Variants in RP1 observed in about 807,000 individuals in gnomAD.
The protein encoded by RP1 is oxygen-regulated protein 1.
In RP1, 16 loss-of-function variants were observed where a neutral mutation model predicts 14.8. The observed-to-expected ratio is 1.08, with a 90% CI of 0.73 to 1.65. RP1 has a LOEUF of 1.65. RP1 is among the 40% of genes most tolerant of loss of function. The probability of loss-of-function intolerance (pLI) is 0.00; values close to 1 mark genes in which losing one functional copy is unlikely to be tolerated. For missense variants in RP1, 2,631 were observed against 2,535.0 expected, an observed-to-expected ratio of 1.04 and a Z score of -0.81; for synonymous variants, 876 against 883.6, an observed-to-expected ratio of 0.99 and a Z score of 0.15.
At chr8:54,852,227 A>G (rs1223880888) in intron 25 of RP1, among the ~76,000 whole-genome samples, 4 of 152,158 alleles carry the variant, frequency 2.6e-5, no homozygotes, top group African/African-American at 9.7e-5. Flanking sequence ...CTTTAGGGGG[A>G]AAAATGCCCA....
intron 22 of RP1, among the ~76,000 whole-genome samples, chr8:54,760,298 C>T (rs528552497): frequency 6.6e-6 from 1 of 152,204 alleles, no homozygotes; most frequent in Non-Finnish European, 1.5e-5. Context: ...ACTAGCTCAT[C>T]GCAGTCGTCT....
intron 26 of RP1, among the ~76,000 whole-genome samples, chr8:54,853,886 AAAG>A (rs933338430): frequency 2.0e-5 from 3 of 147,388 alleles, no homozygotes; most frequent in Non-Finnish European, 4.4e-5. Flanking sequence ...AGAAAGAAAA[AAAG>A]AAAAAAGAAG....
chr8:54,564,368 C>T (rs1804353975), intron 1 of RP1, among the ~76,000 whole-genome samples: 1 of 152,202 alleles, frequency 6.6e-6, no homozygotes, highest in Admixed American at 6.5e-5. Context: ...CTAGATCCAG[C>T]ACTTCACAGT....
chr8:54,577,939 A>G lies in RP1; in HGVS notation c.-13+18619A>G, dbSNP rs188657949. 1.7e-4 allele frequency among the ~76,000 whole-genome samples: 20 copies of G among 118,710 alleles called. 1 individual carries two copies. The East Asian group carries it at 4.4e-3, about 26-fold the overall frequency. The allele number at this position is 118,710 out of a possible 152,430, so 77.9% of individuals were successfully genotyped here. A position where few individuals can be genotyped will look rare whatever the true frequency, so the allele number is the denominator to read the frequency against. On this transcript the variant is annotated intron_variant, in intron 1 of 22. Transcript: ENST00000636932. ...GAGAGGAGGAGATGAAAGCATGACA[A>G]ACATTTTCTTTTTTTTTTATTATTA...
At chr8:54,734,944 T>C (rs1204155742) in intron 18 of RP1, among the ~76,000 whole-genome samples, 1 of 151,944 alleles carries the variant, frequency 6.6e-6, no homozygotes, top group Non-Finnish European at 1.5e-5. Flanking sequence ...GCAAGGAAAG[T>C]TGTAGAAAAA....
chr8:54,709,602 T>C (rs1210841947), intron 15 of RP1, among the ~76,000 whole-genome samples: 1 of 152,050 alleles, frequency 6.6e-6, no homozygotes, highest in African/African-American at 2.4e-5. Flanking sequence ...TTGATAAAGG[T>C]GAAAGAGCAT....
intron 7 of RP1, among the ~76,000 whole-genome samples, chr8:54,672,898 T>G (rs1047218319): frequency 1.3e-5 from 2 of 152,202 alleles, no homozygotes. Flanking sequence ...TTATTATAAA[T>G]ATCATAACTC....
At chr8:54,751,826 CT>C (rs1809378387) in intron 19 of RP1, among the ~76,000 whole-genome samples, 1 of 152,154 alleles carries the variant, frequency 6.6e-6, no homozygotes, top group South Asian at 2.1e-4. Context: ...CTTTGTTTTT[CT>C]GTTTCGAGCC....
At chr8:54,570,908 A>T (rs1804504852) in intron 1 of RP1, among the ~76,000 whole-genome samples, 1 of 152,228 alleles carries the variant, frequency 6.6e-6, no homozygotes, top group Non-Finnish European at 1.5e-5. Context: ...CTGGAAGTGT[A>T]GGTTTCTTTT....
At chr8:54,869,936 C>G in exon 29 of RP1, 1 of 1,228,068 alleles carries the variant, frequency 8.1e-7, no homozygotes, top group African/African-American at 1.6e-5. Context: ...GGTCTACCAT[C>G]TCCTGAAAGG....
intron 12 of RP1, among the ~76,000 whole-genome samples, chr8:54,694,398 C>T (rs1465375783): frequency 6.6e-6 from 1 of 152,162 alleles, no homozygotes; most frequent in Non-Finnish European, 1.5e-5. Context: ...GGAATGGTAC[C>T]AGCTCCTCCT....
At chr8:54,656,838 A>G (rs1452420318) in intron 6 of RP1, among the ~76,000 whole-genome samples, 5 of 151,194 alleles carry the variant, frequency 3.3e-5, no homozygotes, top group Admixed American at 1.3e-4. Context: ...TAAATAGACA[A>G]TTGGCAAAAA....
At chr8:54,769,450 G>T (rs1809846650) in intron 22 of RP1, among the ~76,000 whole-genome samples, 1 of 152,042 alleles carries the variant, frequency 6.6e-6, no homozygotes, top group South Asian at 2.1e-4. Context: ...GCTTTTACAG[G>T]TGATAGTGGT....
chr8:54,757,052 C>A (rs1585665910), intron 21 of RP1, among the ~76,000 whole-genome samples: 1 of 152,278 alleles, frequency 6.6e-6, no homozygotes, highest in Non-Finnish European at 1.5e-5. Flanking sequence ...AAGTGTTTTT[C>A]TTCCCTGGTT....
In RP1 at chr8:54,823,112, G is replaced by A. The variant is rs549505881; in HGVS notation, c.3616-14338G>A. On this transcript the variant is annotated intron_variant, in intron 24 of 28. Transcript: ENST00000637698. ...GTGTATAGCACTCGTGTGACTCCCC[G>A]CCGCCCCCTCAGCTGCAATGAAGAT... is the stretch of plus-strand genomic sequence containing the variant. Among the ~76,000 whole-genome samples the A allele has an allele frequency of 6.2e-4, 94 of 151,890 alleles. 1 individual carries two copies. The highest frequency in any genetic ancestry group is 9.7e-4 in the East Asian group (5 of 5,156).
intron 1 of RP1, among the ~76,000 whole-genome samples, chr8:54,603,391 G>T (rs1200488449): frequency 3.3e-5 from 5 of 152,046 alleles, no homozygotes; most frequent in African/African-American, 1.2e-4. Flanking sequence ...TGTTCCGTTG[G>T]TCTATATCTC....
intron 15 of RP1, among the ~76,000 whole-genome samples, chr8:54,713,809 T>C (rs1808342765): frequency 6.6e-6 from 1 of 152,216 alleles, no homozygotes; most frequent in African/African-American, 2.4e-5. Flanking sequence ...TGAATAAAAT[T>C]GTGTTTACAT....
intron 24 of RP1, among the ~76,000 whole-genome samples, chr8:54,820,107 C>T (rs1383533705): frequency 6.6e-6 from 1 of 152,086 alleles, no homozygotes; most frequent in African/African-American, 2.4e-5. Context: ...GACCTGGCAT[C>T]AGCGTCTTTA....
chr8:54,850,846 C>G (rs1292325009), intron 25 of RP1, among the ~76,000 whole-genome samples: 16 of 152,090 alleles, frequency 1.1e-4, no homozygotes, highest in Admixed American at 9.8e-4. Flanking sequence ...AACACGAAGT[C>G]AATGTTACAG....
Sources: allele counts gnomAD v4.1 joint callset (sites outside exome capture counted in the v4.1 genomes callset), GRCh38; gene constraint gnomAD v4.1.1; transcripts MANE v1.5; gene names NCBI Gene and HGNC (gene_info 2026-07-23, HGNC 2026-07-21).